CDKAL1: variants seen among roughly 807,000 people sequenced by gnomAD.
CDKAL1 encodes CDKAL1 threonylcarbamoyladenosine tRNA methylthiotransferase, also known as threonylcarbamoyladenosine tRNA methylthiotransferase.
Under a neutral mutation model 68.2 loss-of-function variants are expected in CDKAL1, and 32 were observed. The ratio of observed to expected loss-of-function variants is 0.47; its 90% confidence interval spans 0.35 to 0.63. The LOEUF (loss-of-function observed/expected upper bound fraction) is 0.63, where lower values mean the gene tolerates loss of function less well. Among genes scored for constraint, CDKAL1 ranks in the 30% least tolerant of loss-of-function variants. The probability of loss-of-function intolerance (pLI) is 0.00; values close to 1 mark genes in which losing one functional copy is unlikely to be tolerated. For missense variants in CDKAL1, 606 were observed against 696.7 expected, an observed-to-expected ratio of 0.87 and a Z score of 1.47; for synonymous variants, 234 against 244.3, an observed-to-expected ratio of 0.96 and a Z score of 0.39.
intron 10 of CDKAL1, among the ~76,000 whole-genome samples, chr6:20,998,575 C>A (rs1425385493): frequency 6.6e-6 from 1 of 151,060 alleles, no homozygotes; most frequent in Non-Finnish European, 1.5e-5. Context: ...CGCGCCAGTG[C>A]ACTCCAGCCT....
intron 4 of CDKAL1, among the ~76,000 whole-genome samples, chr6:20,591,206 T>G (rs1360962559): frequency 6.6e-6 from 1 of 152,198 alleles, no homozygotes; most frequent in Non-Finnish European, 1.5e-5. Context: ...ATGGGGTTAT[T>G]TTTTTCTTGT....
chr6:21,013,311 T>G (rs948329483), intron 11 of CDKAL1, among the ~76,000 whole-genome samples: 25 of 152,206 alleles, frequency 1.6e-4, no homozygotes, highest in African/African-American at 5.8e-4. Context: ...CTTTCTTTCT[T>G]TCTTTTTTCT....
chr6:21,190,326 T>C (rs935624642), intron 13 of CDKAL1, among the ~76,000 whole-genome samples: 4 of 152,144 alleles, frequency 2.6e-5, no homozygotes, highest in Non-Finnish European at 2.9e-5. Context: ...ATTAGAACCA[T>C]GATGTAAATG....
intron 10 of CDKAL1, among the ~76,000 whole-genome samples, chr6:20,976,344 G>T (rs976568588): frequency 6.6e-6 from 1 of 152,056 alleles, no homozygotes; most frequent in Non-Finnish European, 1.5e-5. Flanking sequence ...TACAAAGGGG[G>T]TAAATACTGT....
At chr6:20,817,566 G>A (rs994413446) in intron 8 of CDKAL1, among the ~76,000 whole-genome samples, 6 of 152,154 alleles carry the variant, frequency 3.9e-5, no homozygotes, top group South Asian at 2.1e-4. Context: ...TGAACACAAT[G>A]TGCGGGGTGG....
intron 8 of CDKAL1, among the ~76,000 whole-genome samples, chr6:20,817,464 T>C (rs1234096355): frequency 6.6e-6 from 1 of 152,200 alleles, no homozygotes; most frequent in Non-Finnish European, 1.5e-5. Context: ...TATGTTTTTT[T>C]CTAATTAAAT....
chr6:21,187,213 A>C (rs1452004772), intron 13 of CDKAL1, among the ~76,000 whole-genome samples: 1 of 152,184 alleles, frequency 6.6e-6, no homozygotes, highest in Non-Finnish European at 1.5e-5. Context: ...TGGGTAATTC[A>C]CCACTTGCCT....
chr6:21,184,211 T>C (rs1389207315), intron 13 of CDKAL1, among the ~76,000 whole-genome samples: 1 of 151,390 alleles, frequency 6.6e-6, no homozygotes, highest in Non-Finnish European at 1.5e-5. Flanking sequence ...TTTTTTTTTT[T>C]TGAGGTGGAG....
rs543812067 is a variant in CDKAL1, at chr6:21,104,811, G to A, written c.1237-3590G>A. On this transcript the variant is annotated intron_variant, in intron 12 of 15. Coordinates refer to ENST00000274695, the MANE Select transcript of CDKAL1 (RefSeq NM_017774.3). Reference sequence around the variant, plus strand: ...TATACTCCATTTCTTTCCCAAAATCGAGATAATTAGGATAAAAAGCACATA... The same window carrying A: ...TATACTCCATTTCTTTCCCAAAATCAAGATAATTAGGATAAAAAGCACATA... Among the ~76,000 whole-genome samples, 101 of 152,258 alleles carry A rather than the reference G, an allele frequency of 6.6e-4. 1 individual carries two copies. In the South Asian group the frequency reaches 0.02, roughly 30 times the overall value.
chr6:21,086,700 A>G (rs925215878), intron 12 of CDKAL1, among the ~76,000 whole-genome samples: 1 of 152,076 alleles, frequency 6.6e-6, no homozygotes, highest in Non-Finnish European at 1.5e-5. Context: ...TCCACCTGCC[A>G]TGTTTCCCCC....
chr6:21,060,494 C>A (rs897766020), intron 11 of CDKAL1, among the ~76,000 whole-genome samples: 2 of 152,076 alleles, frequency 1.3e-5, no homozygotes, highest in South Asian at 4.2e-4. Flanking sequence ...GTACTTTTTA[C>A]TTTTATTGAT....
intron 15 of CDKAL1, among the ~76,000 whole-genome samples, chr6:21,209,031 G>A (rs1338178028): frequency 2.0e-5 from 3 of 152,172 alleles, no homozygotes; most frequent in African/African-American, 7.2e-5. Flanking sequence ...CTGGAGCATC[G>A]TGAGGGAAAT....
intron 2 of CDKAL1, among the ~76,000 whole-genome samples, chr6:20,542,564 A>G (rs2127648606): frequency 6.7e-6 from 1 of 150,232 alleles, no homozygotes; most frequent in East Asian, 1.9e-4. Flanking sequence ...GTAAGTATAT[A>G]CGAGTGTATT....
intron 9 of CDKAL1, among the ~76,000 whole-genome samples, chr6:20,884,553 G>A (rs1315294192): frequency 6.6e-6 from 1 of 152,152 alleles, no homozygotes; most frequent in Admixed American, 6.5e-5. Context: ...AATTGGAAAA[G>A]AAGTAAAACA....
intron 8 of CDKAL1, among the ~76,000 whole-genome samples, chr6:20,834,604 A>G (rs1303716385): frequency 6.6e-6 from 1 of 152,070 alleles, no homozygotes; most frequent in East Asian, 1.9e-4. Context: ...TCAATGCTGT[A>G]TTTTCTCCCT....
intron 8 of CDKAL1, among the ~76,000 whole-genome samples, chr6:20,817,776 A>G (rs577567927): frequency 1.3e-5 from 2 of 152,342 alleles, no homozygotes; most frequent in South Asian, 4.1e-4. Flanking sequence ...CCATTTGTCT[A>G]AATAGCTCTG....
intron 12 of CDKAL1, among the ~76,000 whole-genome samples, chr6:21,072,676 C>T (rs186940474): frequency 3.8e-5 from 5 of 131,166 alleles, no homozygotes; most frequent in Admixed American, 7.6e-5. Flanking sequence ...AATAGAGTAT[C>T]TTTTTTTTTT....
rs146471070 is a variant in CDKAL1 at position 20,792,955 on chromosome 6, A to G, written c.638+11690A>G. ...GTTGTGTACCTAGAAGTTTACCACA[A>G]ATATGGGGAATGTATCAGACTTGTT... is the stretch of plus-strand genomic sequence containing the variant. On this transcript the variant is annotated intron_variant, in intron 8 of 15. Transcript: ENST00000274695. Among the ~76,000 whole-genome samples the G allele has an allele frequency of 6.8e-3, 1,042 of 152,310 alleles. 8 individuals carry two copies. Among genetic ancestry groups the G allele is most frequent in the Middle Eastern group, 0.01 (3 of 294 alleles).
chr6:21,047,525 C>T (rs957473265), intron 11 of CDKAL1, among the ~76,000 whole-genome samples: 2 of 152,280 alleles, frequency 1.3e-5, no homozygotes, highest in East Asian at 1.9e-4. Context: ...ATTCGTCTTA[C>T]TGTCTGTTTT....
Sources: allele counts gnomAD v4.1 joint callset (sites outside exome capture counted in the v4.1 genomes callset), GRCh38; gene constraint gnomAD v4.1.1; transcripts MANE v1.5; gene names NCBI Gene and HGNC (gene_info 2026-07-23, HGNC 2026-07-21).